The following CAST variants were observed in gnomAD, a reference collection of about 807,000 sequenced individuals.
CAST encodes MIR583 host.
CAST carries 76 observed loss-of-function variants against 119.6 expected under a neutral mutation model. The ratio of observed to expected loss-of-function variants is 0.64; its 90% CI spans 0.53 to 0.77. The LOEUF is 0.77. CAST is among the 30% of genes least tolerant of loss of function. The pLI is 0.00. For missense variants in CAST, 953 were observed against 946.5 expected (o/e 1.01, Z -0.09); for synonymous variants, 319 against 331.6 (o/e 0.96, Z 0.41).
the CAST span, among the ~76,000 whole-genome samples, chr5:96,269,443 T>C: frequency 2.0e-5 from 3 of 152,144 alleles, no homozygotes; most frequent in Non-Finnish European, 4.4e-5. Flanking sequence ...GGAGTTAAAC[T>C]ACACATGAGA....
chr5:96,645,081 A>G (rs926373066), intron 1 of CAST, among the ~76,000 whole-genome samples: 8 of 151,992 alleles, frequency 5.3e-5, no homozygotes, highest in Non-Finnish European at 8.8e-5. Flanking sequence ...CTACATACTC[A>G]CTATATTTAG....
At chr5:96,536,573 A>C (rs942903118) in intron 1 of CAST, among the ~76,000 whole-genome samples, 2 of 152,188 alleles carry the variant, frequency 1.3e-5, no homozygotes, top group African/African-American at 2.4e-5. Context: ...GTAATTATAG[A>C]AGTGGAAAAG....
the CAST span, among the ~76,000 whole-genome samples, chr5:96,054,124 T>C: frequency 2.0e-5 from 3 of 152,212 alleles, no homozygotes; most frequent in African/African-American, 4.8e-5. Flanking sequence ...TTATTATTGT[T>C]GTTTTATTAT....
chr5:96,107,695 A>G, the CAST span, among the ~76,000 whole-genome samples: 2 of 151,898 alleles, frequency 1.3e-5, no homozygotes, highest in African/African-American at 2.4e-5. Flanking sequence ...TCTGACAATT[A>G]TGTGTCTTGG....
At chr5:96,140,285 A>G in the CAST span, among the ~76,000 whole-genome samples, 1 of 152,224 alleles carries the variant, frequency 6.6e-6, no homozygotes, top group Non-Finnish European at 1.5e-5. Flanking sequence ...TGAAATCAAC[A>G]TTATTCCTGG....
At chr5:95,964,958 T>A in the CAST span, 1 of 152,402 alleles carries the variant, frequency 6.6e-6, no homozygotes, top group Non-Finnish European at 1.5e-5. Context: ...TATGTGACTA[T>A]CAAGGCCTTC....
the CAST span, among the ~76,000 whole-genome samples, chr5:96,396,218 T>C: frequency 6.6e-6 from 1 of 152,160 alleles, no homozygotes; most frequent in Admixed American, 6.5e-5. Context: ...CTATAGAATT[T>C]GTATTAATTT....
At chr5:96,597,550 G>A (rs1011226899) in intron 1 of CAST, among the ~76,000 whole-genome samples, 4 of 152,072 alleles carry the variant, frequency 2.6e-5, no homozygotes, top group South Asian at 2.1e-4. Context: ...TTCAAATAAC[G>A]TCAGCAGCAG....
the CAST span, among the ~76,000 whole-genome samples, chr5:96,241,073 T>G: frequency 6.6e-6 from 1 of 152,090 alleles, no homozygotes; most frequent in South Asian, 2.1e-4. Flanking sequence ...AAATTTATTA[T>G]TATTATACTT....
At chr5:96,076,216 A>G in the CAST span, among the ~76,000 whole-genome samples, 1 of 152,184 alleles carries the variant, frequency 6.6e-6, no homozygotes, top group Non-Finnish European at 1.5e-5. Context: ...AAGGTCAAAT[A>G]ACATTTTGTG....
At chr5:96,209,088 T>C in the CAST span, among the ~76,000 whole-genome samples, 1 of 152,066 alleles carries the variant, frequency 6.6e-6, no homozygotes, top group Non-Finnish European at 1.5e-5. Flanking sequence ...CCTTTGTCTC[T>C]TCTGATATTT....
the CAST span, among the ~76,000 whole-genome samples, chr5:96,288,786 A>AT: frequency 6.6e-6 from 1 of 152,158 alleles, no homozygotes; most frequent in Non-Finnish European, 1.5e-5. Context: ...TATTAAAGAC[A>AT]TGGATAAAAA....
intron 1 of CAST, among the ~76,000 whole-genome samples, chr5:96,602,927 A>G (rs1561427545): frequency 6.6e-6 from 1 of 152,240 alleles, no homozygotes; most frequent in Admixed American, 6.5e-5. Flanking sequence ...GGATCAGCAA[A>G]TGCAAAGGCC....
At position 96,772,875 on chromosome 5, in the gene CAST, A is replaced by C. The variant is rs143384029; in HGVS notation, c.*259A>C. 1.5e-3 allele frequency: 227 copies of C among 153,564 alleles called. No individual in the cohort carries two copies. The highest frequency in any genetic ancestry group is 2.2e-3 in the Non-Finnish European group (152 of 68,010). 9.5% of individuals were successfully genotyped at this position (153,564 alleles called of 1,614,324 possible). A position where few individuals can be genotyped will look rare whatever the true frequency, so the allele number is the denominator to read the frequency against. ...TTTAATTGCCTTCAATTGGGAGAGA[A>C]AGCTTTATATTTGTAAGAAATATAT... On this transcript the variant is annotated 3_prime_UTR_variant, in exon 32 of 32. Transcript: ENST00000675179.
chr5:95,983,884 A>G, the CAST span, among the ~76,000 whole-genome samples: 1 of 152,190 alleles, frequency 6.6e-6, no homozygotes, highest in Non-Finnish European at 1.5e-5. Flanking sequence ...ATACACCAAA[A>G]GTGGTATATA....
chr5:96,726,812 C>T lies in CAST; in HGVS notation c.289C>T (p.Gln97Ter), dbSNP rs773683925. Residue 97 changes from glutamine to a stop codon, truncating the protein, a stop_gained, in exon 5 of 32, where the codon CAG becomes TAG. Coordinates refer to ENST00000675179, the MANE Select transcript of CAST (RefSeq NM_001750.7). LOFTEE classifies it high-confidence loss of function. ...TETKAIPVSQQMEGPHLPNKK... is the reference protein window; with the variant it reads ...TETKAIPVSQ ...ATATTAGGCCATTCCAGTCAGCCAA[C>T]AGATGGAAGGACCACATCTTCCTAA... The T allele has an allele frequency of 2.5e-6, 4 of 1,613,290 alleles. No homozygotes were observed. Among genetic ancestry groups the T allele is most frequent in the Non-Finnish European group, 3.4e-6 (4 of 1,179,370 alleles).
chr5:96,482,642 C>T, the CAST span, among the ~76,000 whole-genome samples: 4 of 152,126 alleles, frequency 2.6e-5, no homozygotes, highest in East Asian at 7.7e-4. Flanking sequence ...CAGATCACTA[C>T]CAACTCTGAT....
chr5:96,030,291 C>T, the CAST span, among the ~76,000 whole-genome samples: 2 of 152,110 alleles, frequency 1.3e-5, no homozygotes, highest in Non-Finnish European at 2.9e-5. Context: ...GATGATAGAA[C>T]ATATTTTAGA....
the CAST span, among the ~76,000 whole-genome samples, chr5:96,096,686 C>T: frequency 1.3e-5 from 2 of 152,120 alleles, no homozygotes; most frequent in African/African-American, 4.8e-5. Flanking sequence ...GTTTGAAGGC[C>T]CAGTTTAAGA....
Sources: allele counts gnomAD v4.1 joint callset (sites outside exome capture counted in the v4.1 genomes callset), GRCh38; gene constraint gnomAD v4.1.1; transcripts MANE v1.5; gene names NCBI Gene and HGNC (gene_info 2026-07-23, HGNC 2026-07-21).